The following REN variants were observed in gnomAD, a reference collection of about 807,000 sequenced individuals.
REN encodes the protein renin, also known as angiotensin-forming enzyme.
In REN, 42 loss-of-function variants were observed where a neutral mutation model predicts 48.6. That is an observed-to-expected ratio of 0.86 (90% CI 0.68 to 1.12). The LOEUF is 1.12. Ranked by LOEUF, REN falls within the 50% of genes most tolerant of loss-of-function variation. The pLI is 0.00. For synonymous variants in REN, 196 were observed against 204.6 expected, an observed-to-expected ratio of 0.96 and a Z score of 0.36; for missense variants, 443 against 527.3, an observed-to-expected ratio of 0.84 and a Z score of 1.57.
At chr1:204,162,800 G>A (rs982917453) in intron 1 of REN, among the ~76,000 whole-genome samples, 2 of 152,206 alleles carry the variant, frequency 1.3e-5, no homozygotes, top group South Asian at 2.1e-4. Context: ...AGCATCTTCA[G>A]AGCGCCATGC....
At position 204,157,076 on chromosome 1, in the gene REN, G is replaced by A. The variant is rs754588122; in HGVS notation, c.699-280C>T. Among the ~76,000 whole-genome samples, 5 of 152,212 alleles carry A rather than the reference G, an allele frequency of 3.3e-5. 1 individual carries two copies. The South Asian group carries it at 8.3e-4, about 25-fold the overall frequency. On this transcript the variant is annotated intron_variant, in intron 6 of 9. Coordinates refer to ENST00000272190, the MANE Select transcript of REN (RefSeq NM_000537.4). ...CCAGAGAGGTCACAGAAAAGGAGCA[G>A]GTACAAGGACAGTGAGTGGATGTGA...
In REN at chr1:204,166,329, T is replaced by A. The variant is rs1432302433; in HGVS notation, c.-36A>T. 4 of 1,562,428 alleles carry A rather than the reference T, an allele frequency of 2.6e-6. No individual in the cohort carries two copies. Among genetic ancestry groups the A allele is most frequent in the Non-Finnish European group, 3.5e-6 (4 of 1,132,918 alleles). On this transcript the variant is annotated 5_prime_UTR_variant, in exon 1 of 10. Transcript: ENST00000272190. ...GTCTGGGGCTCTCTCTGAGATCCAC[T>A]GAGGTTCTGTGGCTCCCTTAGCCCT...
chr1:204,155,340 G>A (rs950444273), intron 9 of REN, among the ~76,000 whole-genome samples, 163 bp from the exon 10 acceptor site: 1 of 151,870 alleles, frequency 6.6e-6, no homozygotes, highest in African/African-American at 2.4e-5. Context: ...TTGCCCCATC[G>A]TGGACTGCAC....
Position 204,156,344 on chromosome 1 carries a change from A to ACAGACAGG in REN, c.819-26_819-25insCCTGTCTG. The ACAGACAGG allele has an allele frequency of 6.2e-7, 1 of 1,609,408 alleles. No individual in the cohort carries two copies. Among genetic ancestry groups the ACAGACAGG allele is most frequent in the South Asian group, 1.1e-5 (1 of 90,800 alleles). On this transcript the variant is annotated intron_variant, in intron 7 of 9. Transcript: ENST00000272190. The surrounding 1 kb of genome is among the most constrained non-coding windows in gnomAD (Gnocchi z 4.2). ...CCTGGGGGAGGCCACAGTCAGACAG[A>ACAGACAGG]CAGACAGACAGACAGACAGAAGGCT...
In REN at chr1:204,160,622, C is replaced by G. The variant is rs770516061; in HGVS notation, c.430G>C (p.Glu144Gln). Residue 144 changes from glutamate (E) to glutamine (Q), a missense_variant, in exon 4 of 10, where the codon GAA (glutamate) becomes CAA (glutamine). By Grantham distance (29) the Glu-to-Gln change is conservative. Coordinates refer to ENST00000272190, the MANE Select transcript of REN (RefSeq NM_000537.4). The stretch of plus-strand genomic sequence containing the variant: ...CCTGTTGAATAGCGGAGGGTGAGTT[C>G]TGTTCCATTGTGCTTGTAGCTGGAG... ...DSSSYKHNGT[E>Q]LTLRYSTGTV... 1.9e-6 allele frequency: 3 copies of G among 1,614,220 alleles called. No homozygotes were observed. The South Asian group carries it at 3.3e-5, about 18-fold the overall frequency.
rs373884096 is a variant in REN at position 204,160,559 on chromosome 1, C to T, written c.492+1G>A. 38 of 1,609,280 alleles carry T rather than the reference C, an allele frequency of 2.4e-5. No individual in the cohort carries two copies. The highest frequency in any genetic ancestry group is 1.1e-4 in the South Asian group (10 of 90,998). On this transcript the variant is annotated splice_donor_variant, in intron 4 of 9. Transcript: ENST00000272190. LOFTEE classifies it high-confidence loss of function. ...AGATGACCTAGGGCGGCCCAACTTA[C>T]GGTGATGATGTCCTGGCTGAGAAAG...
chr1:204,165,163 G>A (rs1323585668), intron 1 of REN, among the ~76,000 whole-genome samples: 1 of 152,104 alleles, frequency 6.6e-6, no homozygotes, highest in Non-Finnish European at 1.5e-5. Flanking sequence ...TAGAGACAGG[G>A]TTTCTCCATG....
At chr1:204,160,425 G>A in intron 4 of REN, 135 bp downstream of exon 4, 1 of 733,654 alleles carries the variant, frequency 1.4e-6, no homozygotes, top group Non-Finnish European at 2.5e-6. Context: ...ATGTGGCAGA[G>A]TAGGGTGTTC....
At chr1:204,162,264 T>A in intron 1 of REN, 101 bp from the exon 2 acceptor site, 1 of 1,311,468 alleles carries the variant, frequency 7.6e-7, no homozygotes, top group Non-Finnish European at 1.1e-6. Flanking sequence ...CAACCACCTT[T>A]AACGTTAGCC....
In REN at chr1:204,154,826, A is replaced by G. The variant is rs1472660659; in HGVS notation, c.*190T>C. The G allele has an allele frequency of 1.5e-6, 1 of 660,586 alleles. No individual in the cohort carries two copies. The highest frequency in any genetic ancestry group is 2.7e-6 in the Non-Finnish European group (1 of 376,636). The allele number at this position is 660,586 out of a possible 1,614,324, so 40.9% of individuals were successfully genotyped here. A position where few individuals can be genotyped will look rare whatever the true frequency, so the allele number is the denominator to read the frequency against. Reference sequence around the variant, plus strand: ...AACCCAGATGCAACAGGCTGTGAACATGAAGTCTTTATTCTCTTTGTCCTC... The same window carrying G: ...AACCCAGATGCAACAGGCTGTGAACGTGAAGTCTTTATTCTCTTTGTCCTC... On this transcript the variant is annotated 3_prime_UTR_variant, in exon 10 of 10. Transcript: ENST00000272190.
Position 204,156,687 on chromosome 1 carries a change from G to T in REN, c.808C>A (p.Gln270Lys). Reference sequence around the variant, plus strand: ...TTGAGGATTTCTGACCCCTTCATTTGAATCTGCCAGACACCAGTCTTGATG... The same window carrying T: ...TTGAGGATTTCTGACCCCTTCATTTTAATCTGCCAGACACCAGTCTTGATG... ...NLIKTGVWQIQMKGVSVGSST... is the reference protein window; with the variant it reads ...NLIKTGVWQIKMKGVSVGSST... The change falls in exon 7 of 10, where the codon CAA becomes AAA. Residue 270 changes from glutamine (Q) to lysine (K), a missense_variant. By Grantham distance (53) the Gln-to-Lys change is moderately conservative. Coordinates refer to ENST00000272190, the MANE Select transcript of REN (RefSeq NM_000537.4). This position sits in a 1 kb window ranked among gnomAD's most constrained non-coding sequence, Gnocchi z 4.2. The T allele has an allele frequency of 6.4e-7, 1 of 1,551,224 alleles. No individual in the cohort carries two copies. The highest frequency in any genetic ancestry group is 8.8e-7 in the Non-Finnish European group (1 of 1,141,038).
intron 4 of REN, among the ~76,000 whole-genome samples, chr1:204,159,819 G>C (rs1411185889): frequency 1.3e-5 from 2 of 152,184 alleles, no homozygotes; most frequent in African/African-American, 4.8e-5. Flanking sequence ...GGAGAGCAGA[G>C]GCTGAGAGGG....
intron 9 of REN, 138 bp from the exon 10 acceptor site, chr1:204,155,315 C>A: frequency 1.1e-6 from 1 of 951,536 alleles, no homozygotes; most frequent in East Asian, 2.6e-5. Flanking sequence ...GGGCCTCCCT[C>A]ACATCATGGC....
intron 4 of REN, 56 bp downstream of exon 4, chr1:204,160,504 A>G: frequency 8.5e-7 from 1 of 1,180,624 alleles, no homozygotes. Context: ...GAGGGTCAGG[A>G]GAGGCCTGGG....
At chr1:204,163,957 G>T (rs1658293990) in intron 1 of REN, among the ~76,000 whole-genome samples, 1 of 152,210 alleles carries the variant, frequency 6.6e-6, no homozygotes. Flanking sequence ...AATGTAAATT[G>T]TAGGTGTGTA....
At position 204,160,453 on chromosome 1, in the gene REN, C is replaced by CA. The variant is rs1427192250; in HGVS notation, c.492+106dup. The CA allele has an allele frequency of 3.7e-6, 3 of 802,150 alleles. No homozygotes were observed. In the African/African-American group the frequency reaches 5.0e-5, roughly 13 times the overall value. The allele number at this position is 802,150 out of a possible 1,614,324, so 49.7% of individuals were successfully genotyped here. ...GGGTGTTCCTCAGCTCCCCAGGCTC[C>CA]AAGTGGGCTGCAGTGTACCTCCCCG... is the stretch of plus-strand genomic sequence containing the variant. On this transcript the variant is annotated intron_variant, in intron 4 of 9. Transcript: ENST00000272190.
At chr1:204,159,619 G>C (rs372230599) in intron 4 of REN, 24 bp from the exon 5 acceptor site, 1 of 1,611,812 alleles carries the variant, frequency 6.2e-7, no homozygotes, top group Non-Finnish European at 8.5e-7. Flanking sequence ...GACCAGAGGA[G>C]ACCAAGCCCA....
chr1:204,162,281 C>T (rs1658260342), intron 1 of REN, 118 bp from the exon 2 acceptor site: 39 of 1,097,560 alleles, frequency 3.6e-5, no homozygotes, highest in Non-Finnish European at 5.1e-5. Context: ...AGCCCAGCCA[C>T]CTGGAAATCA....
intron 5 of REN, 129 bp from the exon 6 acceptor site, chr1:204,157,498 G>C (rs1468577148): frequency 7.5e-7 from 1 of 1,338,910 alleles, no homozygotes; most frequent in Admixed American, 1.7e-5. Context: ...AAGAGGCGAA[G>C]TCACTTGCCT....
Sources: gnomAD v4.1 joint callset for allele counts (sites outside exome capture counted in the v4.1 genomes callset) on GRCh38, gnomAD v4.1.1 for gene constraint, Gnocchi (gnomAD v3.1) non-coding constraint, MANE v1.5 for transcripts, NCBI Gene and HGNC (gene_info 2026-07-23, HGNC 2026-07-21) for gene names.